PDE3B: variants seen among roughly 807,000 people sequenced by gnomAD.
The protein encoded by PDE3B is phosphodiesterase 3B.
PDE3B carries 66 observed loss-of-function variants against 116.8 expected under a neutral mutation model. The ratio of observed to expected loss-of-function variants is 0.56; its 90% CI spans 0.46 to 0.69. The LOEUF (loss-of-function observed/expected upper bound fraction) is 0.69. PDE3B is among the 30% of genes least tolerant of loss of function. The pLI, the probability that PDE3B is intolerant of heterozygous loss-of-function variation, is 0.00. For missense variants in PDE3B, 1,384 were observed against 1,368.1 expected, an observed-to-expected ratio of 1.01 and a Z score of -0.18; for synonymous variants, 595 against 533.6, an observed-to-expected ratio of 1.12 and a Z score of -1.59.
chr11:14,797,166 T>C (rs1200236882), intron 4 of PDE3B, among the ~76,000 whole-genome samples: 2 of 152,168 alleles, frequency 1.3e-5, no homozygotes, highest in African/African-American at 4.8e-5. Flanking sequence ...AAAGATCAGA[T>C]GGTTGTAGAT....
intron 12 of PDE3B, among the ~76,000 whole-genome samples, chr11:14,845,770 A>G (rs746867237): frequency 8.5e-5 from 13 of 152,208 alleles, no homozygotes; most frequent in Non-Finnish European, 1.9e-4. Context: ...GAAATGAAGC[A>G]AGAAGGGAAG....
intron 1 of PDE3B, among the ~76,000 whole-genome samples, chr11:14,707,057 A>C (rs893397988): frequency 6.6e-6 from 1 of 151,902 alleles, no homozygotes; most frequent in Non-Finnish European, 1.5e-5. Context: ...CTGGGGAGGA[A>C]AGATTGGACA....
chr11:14,785,942 A>G (rs1858177976), intron 2 of PDE3B, among the ~76,000 whole-genome samples: 2 of 152,058 alleles, frequency 1.3e-5, no homozygotes, highest in South Asian at 4.1e-4. Flanking sequence ...GATTTCTCAT[A>G]TTAGCCCATA....
intron 1 of PDE3B, among the ~76,000 whole-genome samples, chr11:14,760,423 C>T (rs901994138): frequency 2.6e-5 from 4 of 152,234 alleles, no homozygotes; most frequent in Admixed American, 6.5e-5. Context: ...AATCAGACCT[C>T]GACCTCCTGG....
the PDE3B span, among the ~76,000 whole-genome samples, chr11:14,893,705 CT>C: frequency 6.6e-6 from 1 of 152,284 alleles, no homozygotes; most frequent in African/African-American, 2.4e-5. Context: ...CTCTCTTCTA[CT>C]TCCTTCTTCC....
intron 12 of PDE3B, among the ~76,000 whole-genome samples, chr11:14,845,819 C>T (rs1013618781): frequency 2.0e-5 from 3 of 152,086 alleles, no homozygotes; most frequent in Admixed American, 6.6e-5. Context: ...AACAAAGCCT[C>T]CAAGAAATAT....
intron 5 of PDE3B, among the ~76,000 whole-genome samples, chr11:14,811,015 G>A (rs1281230356): frequency 1.3e-5 from 2 of 151,846 alleles, no homozygotes; most frequent in African/African-American, 4.8e-5. Context: ...TGATGGGGTT[G>A]TTTGTTTTTT....
chr11:14,837,686 C>T (rs1451371764), intron 11 of PDE3B, among the ~76,000 whole-genome samples: 1 of 152,184 alleles, frequency 6.6e-6, no homozygotes. Flanking sequence ...CTGCACACTT[C>T]CTTCTGAGTT....
chr11:14,806,965 G>A (rs1456792461), intron 5 of PDE3B, among the ~76,000 whole-genome samples: 3 of 151,832 alleles, frequency 2.0e-5, no homozygotes, highest in Non-Finnish European at 2.9e-5. Flanking sequence ...TTGCAGGGAC[G>A]TGGATGAAGC....
chr11:14,800,262 C>G (rs1041971606), intron 4 of PDE3B, among the ~76,000 whole-genome samples: 1 of 152,116 alleles, frequency 6.6e-6, no homozygotes, highest in Non-Finnish European at 1.5e-5. Flanking sequence ...GTCAGGAGTT[C>G]GATTCCAGCC....
At chr11:14,788,051 C>A (rs1025306240) in intron 3 of PDE3B, among the ~76,000 whole-genome samples, 3 of 151,794 alleles carry the variant, frequency 2.0e-5, no homozygotes, top group African/African-American at 7.2e-5. Context: ...TGTAGTTAAT[C>A]AAGGAAGGTT....
At chr11:14,730,481 A>G (rs760726594) in intron 1 of PDE3B, among the ~76,000 whole-genome samples, 23 of 152,202 alleles carry the variant, frequency 1.5e-4, no homozygotes, top group Non-Finnish European at 3.2e-4. Context: ...TTCTTTTAAC[A>G]TTATTGTTGC....
In PDE3B at chr11:14,830,710, A is replaced by C. The variant is rs759833210; in HGVS notation, c.1820A>C (p.Asn607Thr). 29 of 1,468,054 alleles carry C rather than the reference A, an allele frequency of 2.0e-5. No individual in the cohort carries two copies. Among genetic ancestry groups the C allele is most frequent in the Non-Finnish European group, 2.6e-5 (29 of 1,103,180 alleles). 90.9% of individuals were successfully genotyped at this position (1,468,054 alleles called of 1,614,324 possible). The change falls in exon 8 of 16, where the codon AAC (asparagine) becomes ACC (threonine). Residue 607 changes from asparagine to threonine, a missense_variant. Physicochemically the swap from Asn to Thr is moderately conservative, Grantham distance 65. Around this residue, in one of 2 missense-constraint regions of PDE3B, gnomAD observed 956 missense variants for 806.8 expected, o/e 1.18. Transcript: ENST00000282096. Reference protein sequence around the residue: ...CCSGKSGEEENIFSKESFKLM... With the variant: ...CCSGKSGEEETIFSKESFKLM... ...TATTTTTTGAAAGGTGAAGAAGAAAACATTTTCTCGAAAGAATCATTCAAA... is the reference window on the plus strand; with the variant it reads ...TATTTTTTGAAAGGTGAAGAAGAAACCATTTTCTCGAAAGAATCATTCAAA...
the PDE3B span, among the ~76,000 whole-genome samples, chr11:14,877,151 T>C: frequency 6.6e-6 from 1 of 152,172 alleles, no homozygotes; most frequent in Non-Finnish European, 1.5e-5. Context: ...AATGGGTCAA[T>C]ATACATTCCA....
intron 1 of PDE3B, among the ~76,000 whole-genome samples, chr11:14,683,888 G>T (rs188895412): frequency 6.6e-6 from 1 of 152,212 alleles, no homozygotes; most frequent in Admixed American, 6.5e-5. Context: ...ATTTGGTTCA[G>T]ACTATCTTCT....
At chr11:14,880,631 T>G in the PDE3B span, 1 of 1,601,212 alleles carries the variant, frequency 6.2e-7, no homozygotes, top group South Asian at 1.1e-5. Context: ...TATGTTTCAA[T>G]AGCATCATTG....
downstream of PDE3B, among the ~76,000 whole-genome samples, chr11:14,877,043 C>T (rs77751415): frequency 0.014 from 2,082 of 152,214 alleles, 108 homozygotes; most frequent in East Asian, 0.09. Context: ...ATTGTGTGCA[C>T]TGACTCTGAG....
intron 1 of PDE3B, among the ~76,000 whole-genome samples, chr11:14,701,646 A>G (rs1451005604): frequency 6.6e-6 from 1 of 151,746 alleles, no homozygotes; most frequent in Non-Finnish European, 1.5e-5. Flanking sequence ...TCTTATGATA[A>G]TTGAAGAGTT....
At chr11:14,692,809 G>A (rs1855083587) in intron 1 of PDE3B, among the ~76,000 whole-genome samples, 1 of 152,024 alleles carries the variant, frequency 6.6e-6, no homozygotes, top group South Asian at 2.1e-4. Flanking sequence ...ATCCTACAGT[G>A]GCCTCTCAGT....
Sources: allele counts gnomAD v4.1 joint callset (sites outside exome capture counted in the v4.1 genomes callset), GRCh38; gene constraint gnomAD v4.1.1; regional missense constraint gnomAD v4.1.1; transcripts MANE v1.5; gene names NCBI Gene and HGNC (gene_info 2026-07-23, HGNC 2026-07-21).